TRAP1: variants seen among roughly 807,000 people sequenced by gnomAD.
TRAP1 encodes the protein heat shock protein 75 kDa, mitochondrial.
Under a neutral mutation model 89.1 loss-of-function variants are expected in TRAP1, and 102 were observed. The ratio of observed to expected loss-of-function variants is 1.15; its 90% CI spans 0.98 to 1.35. The LOEUF (loss-of-function observed/expected upper bound fraction) is 1.35, where lower values mean the gene tolerates loss of function less well. TRAP1 is among the 40% of genes most tolerant of loss of function. TRAP1 has a pLI of 0.00. For missense variants in TRAP1, 1,256 were observed against 945.3 expected (o/e 1.33, Z -4.31); for synonymous variants, 508 against 388.0 (o/e 1.31, Z -3.64).
At chr16:3,669,699 T>C (rs1166638035) in intron 11 of TRAP1, among the ~76,000 whole-genome samples, 2 of 150,608 alleles carry the variant, frequency 1.3e-5, no homozygotes, top group Non-Finnish European at 3.0e-5. Flanking sequence ...CTGGGCGTGG[T>C]GGTGGGTGCC....
At chr16:3,710,213 AGCTTTGCT>A (rs1487110933) in intron 1 of TRAP1, among the ~76,000 whole-genome samples, 1 of 152,196 alleles carries the variant, frequency 6.6e-6, no homozygotes, top group Non-Finnish European at 1.5e-5. Context: ...CCTCACCCTG[AGCTTTGCT>A]CATGGAAGAC....
intron 3 of TRAP1, among the ~76,000 whole-genome samples, chr16:3,688,293 A>G (rs894313461): frequency 3.3e-5 from 5 of 151,652 alleles, no homozygotes; most frequent in African/African-American, 1.2e-4. Flanking sequence ...GGGTCACCGC[A>G]CCTGGCCCCA....
intron 4 of TRAP1, among the ~76,000 whole-genome samples, chr16:3,681,038 T>G (rs114265620): frequency 3.2e-4 from 48 of 152,262 alleles, no homozygotes; most frequent in African/African-American, 1.1e-3. Context: ...TTACTGACCA[T>G]GGGCTCCTCC....
rs200873136 is a variant in TRAP1, at chr16:3,672,840, G to A, written c.1045-20C>T. 1.4e-5 allele frequency: 23 copies of A among 1,607,994 alleles called. No homozygotes were observed. Among genetic ancestry groups the A allele is most frequent in the African/African-American group, 2.7e-5 (2 of 74,946 alleles). On this transcript the variant is annotated intron_variant, in intron 9 of 17. Transcript: ENST00000246957. ...CGGTTTCTGGGGGTGAGGAGAACAC[G>A]CCATCATGCAGCACTGACCCTCCCC...
At position 3,674,341 on chromosome 16, in the gene TRAP1, T is replaced by C. The variant is rs764537998; in HGVS notation, c.1042A>G (p.Met348Val). The C allele has an allele frequency of 1.2e-6, 2 of 1,613,894 alleles. No homozygotes were observed. The highest frequency in any genetic ancestry group is 1.7e-5 in the Admixed American group (1 of 60,016). The change falls in exon 9 of 18, where the codon ATG becomes GTG. Residue 348 changes from methionine (M) to valine (V), a missense_variant and splice_region_variant. Physicochemically the swap from Met to Val is conservative, Grantham distance 21. Coordinates refer to ENST00000246957, the MANE Select transcript of TRAP1 (RefSeq NM_016292.3). The part of the protein sequence containing the change: ...NIRSIFYVPD[M>V]KPSMFDVSRE... ...GTGGGACTGCCACAGTGCCTCACCA[T>C]GTCGGGCACGTAGAAGATGCTGCGG...
chr16:3,664,002 G>A, intron 13 of TRAP1: 1 of 387,694 alleles, frequency 2.6e-6, no homozygotes, highest in Non-Finnish European at 4.6e-6. Context: ...GGCGGAAGTT[G>A]CAGTGAGCCG....
At chr16:3,678,956 C>T (rs1220706463) in intron 5 of TRAP1, among the ~76,000 whole-genome samples, 1 of 152,216 alleles carries the variant, frequency 6.6e-6, no homozygotes, top group Non-Finnish European at 1.5e-5. Flanking sequence ...TCAGTCCCCT[C>T]TCACACAGCG....
intron 16 of TRAP1, chr16:3,659,764 G>T (rs2042960724): frequency 6.6e-6 from 1 of 150,948 alleles, no homozygotes; most frequent in South Asian, 2.1e-4. Context: ...TAGATAGATA[G>T]ATAGATAGAT....
chr16:3,693,750 T>C (rs1258496524), intron 1 of TRAP1, among the ~76,000 whole-genome samples: 1 of 152,052 alleles, frequency 6.6e-6, no homozygotes, highest in Non-Finnish European at 1.5e-5. Context: ...CCCAGCACTT[T>C]GGGAGGCCAA....
intron 12 of TRAP1, among the ~76,000 whole-genome samples, chr16:3,665,714 G>A (rs771776481): frequency 9.9e-5 from 15 of 152,210 alleles, no homozygotes; most frequent in Non-Finnish European, 1.8e-4. Flanking sequence ...GCCACTCCCT[G>A]GGCTGCACCT....
At chr16:3,690,543 G>A (rs528054491) in intron 2 of TRAP1, among the ~76,000 whole-genome samples, 4 of 152,228 alleles carry the variant, frequency 2.6e-5, no homozygotes, top group Admixed American at 6.5e-5. Flanking sequence ...TTCCCCTCCC[G>A]CTTCCATGAT....
chr16:3,697,756 G>C (rs552018596), intron 1 of TRAP1, among the ~76,000 whole-genome samples: 1 of 149,578 alleles, frequency 6.7e-6, no homozygotes, highest in African/African-American at 2.5e-5. Context: ...CATTTTTCTA[G>C]TCTTTTTGGT....
chr16:3,680,036 C>T, intron 4 of TRAP1: 1 of 436,548 alleles, frequency 2.3e-6, no homozygotes, highest in South Asian at 2.8e-5. Context: ...TCAAGACCAG[C>T]CTGGCCAACA....
At chr16:3,684,926 C>G (rs1435999127) in intron 4 of TRAP1, among the ~76,000 whole-genome samples, 2 of 152,188 alleles carry the variant, frequency 1.3e-5, no homozygotes, top group African/African-American at 4.8e-5. Context: ...TAGAACTGTT[C>G]TTTAAGAAAA....
intron 11 of TRAP1, among the ~76,000 whole-genome samples, chr16:3,671,044 A>G (rs1341891184): frequency 6.6e-6 from 1 of 152,086 alleles, no homozygotes; most frequent in Non-Finnish European, 1.5e-5. Context: ...GTGGGCAGAG[A>G]AACACTGCAG....
Position 3,702,197 on chromosome 16 carries a change from G to C in TRAP1, c.89-11212C>G, listed in dbSNP as rs557819851. Among the ~76,000 whole-genome samples, 4 of 150,368 alleles carry C rather than the reference G, an allele frequency of 2.7e-5. No individual in the cohort carries two copies. In the South Asian group the frequency reaches 8.3e-4, roughly 31 times the overall value. On this transcript the variant is annotated intron_variant, in intron 1 of 17. Coordinates refer to ENST00000246957, the MANE Select transcript of TRAP1 (RefSeq NM_016292.3). ...CTGTCGATGTTGAGGTCACTTGAAA[G>C]CTGGTATGGACACATCGGATGAGGA...
chr16:3,698,008 T>G (rs928382158), intron 1 of TRAP1, among the ~76,000 whole-genome samples: 1 of 151,978 alleles, frequency 6.6e-6, no homozygotes, highest in Non-Finnish European at 1.5e-5. Context: ...AGACAGGGTT[T>G]CACCATGTTG....
chr16:3,703,043 G>GGGGA (rs564433883), intron 1 of TRAP1, among the ~76,000 whole-genome samples: 2 of 43,512 alleles, frequency 4.6e-5, no homozygotes, highest in South Asian at 1.7e-3. Flanking sequence ...ACTCCGTCTT[G>GGGGA]AAAAAAAAAA....
rs2050930790 is a variant in TRAP1 at position 3,672,700 on chromosome 16, C to G, written c.1165G>C (p.Gly389Arg). ...ILPKWLRFIR[G>R]VVDSEDIPLN... ...TGCTCACGGACTCTGAGCAGCGTACCTCGGATGAAGCGCAGCCACTTGGGC... is the reference window on the plus strand; with the variant it reads ...TGCTCACGGACTCTGAGCAGCGTACGTCGGATGAAGCGCAGCCACTTGGGC... Residue 389 changes from glycine (G) to arginine (R), a missense_variant and splice_region_variant, in exon 10 of 18, where the codon GGT becomes CGT. Coordinates refer to ENST00000246957, the MANE Select transcript of TRAP1 (RefSeq NM_016292.3). 1.7e-5 allele frequency: 27 copies of G among 1,607,214 alleles called. No homozygotes were observed. Among genetic ancestry groups the G allele is most frequent in the Non-Finnish European group, 2.3e-5 (27 of 1,177,438 alleles).
Sources: gnomAD v4.1 joint callset for allele counts (sites outside exome capture counted in the v4.1 genomes callset) on GRCh38, gnomAD v4.1.1 for gene constraint, MANE v1.5 for transcripts, NCBI Gene and HGNC (gene_info 2026-07-23, HGNC 2026-07-21) for gene names.